RBFOX1: variants seen among roughly 807,000 people sequenced by gnomAD.
The protein encoded by RBFOX1 is RNA binding fox-1 homolog 1.
A neutral mutation model predicts 57.7 loss-of-function variants in RBFOX1; 8 were observed. That is an observed-to-expected ratio of 0.14 (90% CI 0.08 to 0.25). The LOEUF is 0.25. Among genes scored for constraint, RBFOX1 ranks in the 10% least tolerant of loss-of-function variants. The pLI, the probability that RBFOX1 is intolerant of heterozygous loss-of-function variation, is 1.00. For synonymous variants in RBFOX1, 326 were observed against 222.4 expected (o/e 1.47, Z -4.15); for missense variants, 611 against 548.5 (o/e 1.11, Z -1.14).
intron 3 of RBFOX1, among the ~76,000 whole-genome samples, chr16:6,710,593 G>A (rs1451830959): frequency 6.6e-6 from 1 of 152,212 alleles, no homozygotes; most frequent in Non-Finnish European, 1.5e-5. Flanking sequence ...AGTACCATTT[G>A]CAACTGAAAG....
At chr16:6,205,447 G>A (rs2097248847) in intron 1 of RBFOX1, among the ~76,000 whole-genome samples, 1 of 152,124 alleles carries the variant, frequency 6.6e-6, no homozygotes, top group Non-Finnish European at 1.5e-5. Flanking sequence ...GACTTTAGGG[G>A]AAGCACACTT....
intron 3 of RBFOX1, among the ~76,000 whole-genome samples, chr16:6,859,119 A>ATATATATATATGTGTATATATATATG (rs2058442693): frequency 3.3e-4 from 27 of 82,172 alleles, no homozygotes; most frequent in Admixed American, 3.0e-3. Flanking sequence ...GTGTATATAT[A>ATATATATATATGTGTATATATATATG]TATATATATA....
rs1360525448 is a variant in RBFOX1 at position 6,335,138 on chromosome 16, T to C, written c.-64+18081T>C. Among the ~76,000 whole-genome samples, 6 of 152,320 alleles carry C rather than the reference T, an allele frequency of 3.9e-5. No homozygotes were observed. The East Asian group carries it at 9.7e-4, about 25-fold the overall frequency. On this transcript the variant is annotated intron_variant, in intron 2 of 15. Coordinates refer to ENST00000550418, the MANE Select transcript of RBFOX1 (RefSeq NM_018723.4). Reference sequence around the variant, plus strand: ...TACTGCTTGCTTAGCGCTTAATCCATTTATACTATTGGATTCTGTTGCAAA... The same window carrying C: ...TACTGCTTGCTTAGCGCTTAATCCACTTATACTATTGGATTCTGTTGCAAA...
intron 2 of RBFOX1, among the ~76,000 whole-genome samples, chr16:5,529,977 C>G (rs926768543): frequency 1.3e-5 from 2 of 152,082 alleles, no homozygotes; most frequent in Admixed American, 6.5e-5. Flanking sequence ...GAACCCAAGG[C>G]AAGAGGCACA....
chr16:6,656,926 TCCTCC>T (rs1603061190), intron 3 of RBFOX1, among the ~76,000 whole-genome samples: 16 of 117,860 alleles, frequency 1.4e-4, no homozygotes, highest in South Asian at 6.6e-4. Context: ...CCCTCTCCTC[TCCTCC>T]CCTCTCCTCC....
chr16:5,445,910 C>G (rs1230429031), intron 1 of RBFOX1, among the ~76,000 whole-genome samples: 2 of 152,186 alleles, frequency 1.3e-5, no homozygotes, highest in Non-Finnish European at 2.9e-5. Flanking sequence ...ATTTTACTCC[C>G]CAGGTATGCT....
chr16:6,522,150 C>T (rs2096512657), intron 2 of RBFOX1, among the ~76,000 whole-genome samples: 2 of 129,482 alleles, frequency 1.5e-5, no homozygotes, highest in African/African-American at 6.3e-5. Context: ...CTCTGGGGAC[C>T]CACAGTGTGT....
In RBFOX1 at chr16:6,647,964, C is replaced by A. The variant is rs112849935; in HGVS notation, c.-63-6639C>A. ...TTAAGTGATTCTCGTGCGTCAGCCT[C>A]TCTAGTAGCTGGAATTACACGTGTG... On this transcript the variant is annotated intron_variant, in intron 2 of 15. Transcript: ENST00000550418. 8.1e-3 allele frequency among the ~76,000 whole-genome samples: 1,235 copies of A among 152,174 alleles called. 22 individuals are homozygous for A. Among genetic ancestry groups the A allele is most frequent in the African/African-American group, 0.028 (1,145 of 41,506 alleles).
intron 1 of RBFOX1, among the ~76,000 whole-genome samples, chr16:5,311,689 A>T (rs915484642): frequency 2.6e-5 from 4 of 152,300 alleles, no homozygotes; most frequent in African/African-American, 9.6e-5. Context: ...GGTCATTTGT[A>T]TATCTTCTTT....
intron 4 of RBFOX1, among the ~76,000 whole-genome samples, chr16:7,150,021 C>G (rs76454141): frequency 1.6e-3 from 244 of 152,250 alleles, no homozygotes; most frequent in Middle Eastern, 6.8e-3. Flanking sequence ...TGTTCTGACT[C>G]AACAGAGATT....
At chr16:6,650,607 A>C (rs2154083010) in intron 2 of RBFOX1, among the ~76,000 whole-genome samples, 1 of 152,240 alleles carries the variant, frequency 6.6e-6, no homozygotes, top group East Asian at 1.9e-4. Context: ...AGAGGTATTT[A>C]ATCATTGCTC....
At chr16:5,585,183 G>T (rs72763257) in intron 2 of RBFOX1, among the ~76,000 whole-genome samples, 1 of 151,356 alleles carries the variant, frequency 6.6e-6, no homozygotes, top group African/African-American at 2.4e-5. Context: ...CCCTCCCCCC[G>T]TCCCTGGAAA....
intron 3 of RBFOX1, among the ~76,000 whole-genome samples, chr16:6,712,653 G>A (rs183425651): frequency 6.6e-6 from 1 of 152,064 alleles, no homozygotes; most frequent in Admixed American, 6.6e-5. Context: ...TCATGGCGTA[G>A]GCACTCTGAT....
At chr16:5,364,591 A>G (rs1370691121) in intron 1 of RBFOX1, among the ~76,000 whole-genome samples, 7 of 152,182 alleles carry the variant, frequency 4.6e-5, no homozygotes, top group Non-Finnish European at 8.8e-5. Flanking sequence ...CTCTATCTAA[A>G]AATCTCTCCC....
At chr16:7,054,492 CG>C (rs1037350802) in intron 4 of RBFOX1, among the ~76,000 whole-genome samples, 8 of 143,182 alleles carry the variant, frequency 5.6e-5, no homozygotes, top group African/African-American at 2.0e-4. Context: ...CCGCCAGCCT[CG>C]GCCCCCCAAG....
chr16:7,349,446 G>C (rs2097086581), intron 4 of RBFOX1, among the ~76,000 whole-genome samples: 1 of 152,314 alleles, frequency 6.6e-6, no homozygotes, highest in South Asian at 2.1e-4. Flanking sequence ...GGAGAAAGAA[G>C]TCATGGATCG....
intron 3 of RBFOX1, among the ~76,000 whole-genome samples, chr16:6,729,496 G>C (rs1252434287): frequency 2.0e-5 from 3 of 152,126 alleles, no homozygotes; most frequent in African/African-American, 7.2e-5. Flanking sequence ...ATGTTTTAAA[G>C]TGCCAGTTTA....
At chr16:7,634,401 G>GAGACTT (rs2061445229) in intron 11 of RBFOX1, among the ~76,000 whole-genome samples, 1 of 120,616 alleles carries the variant, frequency 8.3e-6, no homozygotes, top group Non-Finnish European at 1.7e-5. Context: ...TTTTTTTTTC[G>GAGACTT]AGACTTAAAT....
upstream of RBFOX1, among the ~76,000 whole-genome samples, chr16:6,018,937 G>A: frequency 6.7e-6 from 1 of 150,206 alleles, no homozygotes; most frequent in South Asian, 2.2e-4. Flanking sequence ...CGCCGCCGCC[G>A]CCCGCTGGAA....
Sources: allele counts gnomAD v4.1 joint callset (sites outside exome capture counted in the v4.1 genomes callset), GRCh38; gene constraint gnomAD v4.1.1; transcripts MANE v1.5; gene names NCBI Gene and HGNC (gene_info 2026-07-23, HGNC 2026-07-21).